RALGPS1: variants seen among roughly 807,000 people sequenced by gnomAD.
RALGPS1 encodes Ral GEF with PH domain and SH3 binding motif 1, also known as ras-specific guanine nucleotide-releasing factor RalGPS1.
A neutral mutation model predicts 78.8 loss-of-function variants in RALGPS1; 19 were observed. That is an observed-to-expected ratio of 0.24 (90% CI 0.17 to 0.35). The LOEUF (loss-of-function observed/expected upper bound fraction) is 0.35. Among genes scored for constraint, RALGPS1 ranks in the 10% least tolerant of loss-of-function variants. The pLI is 1.00. For missense variants in RALGPS1, 454 were observed against 688.3 expected (o/e 0.66, Z 3.81); for synonymous variants, 228 against 256.3 (o/e 0.89, Z 1.06).
Position 127,108,430 on chromosome 9 carries a change from C to T in RALGPS1, c.610+39074C>T, listed in dbSNP as rs780308946. On this transcript the variant is annotated intron_variant, in intron 8 of 18. Transcript: ENST00000259351. The stretch of plus-strand genomic sequence containing the variant: ...CAGCTGCTGCAGCGTCTCGATCTGC[C>T]GCTTCTGCTTGAGCAGCTCATTGTT... The T allele has an allele frequency of 5.0e-6, 8 of 1,608,444 alleles. No individual in the cohort carries two copies. Among genetic ancestry groups the T allele is most frequent in the South Asian group, 2.2e-5 (2 of 90,818 alleles).
intron 8 of RALGPS1, among the ~76,000 whole-genome samples, chr9:127,152,340 A>G (rs943702094): frequency 1.3e-5 from 2 of 152,130 alleles, no homozygotes; most frequent in South Asian, 2.1e-4. Context: ...AATAAAATCT[A>G]TTCAGCTTTG....
At chr9:126,942,933 C>G (rs2036919945) in intron 1 of RALGPS1, among the ~76,000 whole-genome samples, 1 of 150,920 alleles carries the variant, frequency 6.6e-6, no homozygotes, top group African/African-American at 2.4e-5. Context: ...GGATATTTTT[C>G]TCTTTTGTTA....
intron 2 of RALGPS1, among the ~76,000 whole-genome samples, chr9:126,964,632 A>AT (rs1324645383): frequency 2.0e-5 from 2 of 100,390 alleles, no homozygotes; most frequent in East Asian, 1.2e-3. Flanking sequence ...CAGAGGTCTT[A>AT]ACCACTATGG....
At chr9:127,035,957 A>G (rs1316372097) in intron 5 of RALGPS1, among the ~76,000 whole-genome samples, 1 of 152,170 alleles carries the variant, frequency 6.6e-6, no homozygotes, top group Non-Finnish European at 1.5e-5. Context: ...TTCCTTAACA[A>G]AACTATTTGA....
At chr9:127,089,202 C>A in intron 8 of RALGPS1, 1 of 1,562,470 alleles carries the variant, frequency 6.4e-7, no homozygotes, top group Non-Finnish European at 8.8e-7. Flanking sequence ...GTCCATAGTG[C>A]TCAGGGCTTT....
At chr9:126,946,167 C>T (rs2037246360) in intron 1 of RALGPS1, among the ~76,000 whole-genome samples, 1 of 151,988 alleles carries the variant, frequency 6.6e-6, no homozygotes, top group South Asian at 2.1e-4. Flanking sequence ...CCGTGATGGC[C>T]CAGGACAGAG....
intron 7 of RALGPS1, among the ~76,000 whole-genome samples, chr9:127,066,240 C>T (rs2049688791): frequency 6.6e-6 from 1 of 152,226 alleles, no homozygotes; most frequent in Admixed American, 6.5e-5. Context: ...AGGAGGACAT[C>T]CAGATTTGTT....
chr9:126,970,885 CA>C (rs770751725), intron 3 of RALGPS1, among the ~76,000 whole-genome samples: 2 of 152,064 alleles, frequency 1.3e-5, no homozygotes, highest in Non-Finnish European at 2.9e-5. Flanking sequence ...GCCACAAAAA[CA>C]GACAAAACCT....
chr9:127,137,356 C>A (rs2057470104), intron 8 of RALGPS1, among the ~76,000 whole-genome samples: 1 of 152,228 alleles, frequency 6.6e-6, no homozygotes, highest in Non-Finnish European at 1.5e-5. Flanking sequence ...AATCTCCTTT[C>A]CTTGATTGTA....
intron 18 of RALGPS1, among the ~76,000 whole-genome samples, chr9:127,215,822 T>C (rs1236994720): frequency 6.6e-6 from 1 of 152,194 alleles, no homozygotes; most frequent in Non-Finnish European, 1.5e-5. Flanking sequence ...TGTCCCTAAG[T>C]GTCCATGTGT....
chr9:126,930,513 G>T (rs540686949), intron 1 of RALGPS1, among the ~76,000 whole-genome samples: 5 of 152,274 alleles, frequency 3.3e-5, no homozygotes, highest in African/African-American at 9.6e-5. Flanking sequence ...CGTAATCTTG[G>T]CTCACGGTAA....
chr9:127,199,159 C>T (rs2061490808), intron 14 of RALGPS1, 93 bp downstream of exon 14: 1 of 1,163,168 alleles, frequency 8.6e-7, no homozygotes, highest in African/African-American at 1.5e-5. Flanking sequence ...GGGCCCTGCC[C>T]CACCCACCCC....
At chr9:126,953,630 A>T (rs927366281) in intron 1 of RALGPS1, among the ~76,000 whole-genome samples, 5 of 152,188 alleles carry the variant, frequency 3.3e-5, no homozygotes, top group Admixed American at 6.5e-5. Context: ...GTCTTAATGT[A>T]TATAAATCCT....
At chr9:127,112,427 TGCCCATGTGGGCGCAGG>T (rs756882624) in intron 8 of RALGPS1, among the ~76,000 whole-genome samples, 5 of 152,260 alleles carry the variant, frequency 3.3e-5, no homozygotes, top group Non-Finnish European at 5.9e-5. Context: ...CACCTCTCTG[TGCCCATGTGGGCGCAGG>T]GCTCCACTGT....
intron 8 of RALGPS1, among the ~76,000 whole-genome samples, chr9:127,150,410 TC>T (rs1397972923): frequency 2.0e-5 from 3 of 152,168 alleles, no homozygotes; most frequent in African/African-American, 7.2e-5. Flanking sequence ...ATAGAACACT[TC>T]AAATTACTCC....
At chr9:127,196,079 C>T (rs932469185) in intron 12 of RALGPS1, among the ~76,000 whole-genome samples, 1 of 152,214 alleles carries the variant, frequency 6.6e-6, no homozygotes, top group Non-Finnish European at 1.5e-5. Context: ...AGGTGAAGTT[C>T]GTTGCAATGG....
intron 11 of RALGPS1, among the ~76,000 whole-genome samples, chr9:127,189,770 A>G (rs2789521): frequency 0.53 from 80,163 of 151,920 alleles, 21,586 homozygotes; most frequent in South Asian, 0.72. Flanking sequence ...CAGAGAGCCA[A>G]AGGAGGCAGC....
At chr9:126,974,430 T>G (rs2132545856) in intron 3 of RALGPS1, among the ~76,000 whole-genome samples, 1 of 152,310 alleles carries the variant, frequency 6.6e-6, no homozygotes, top group South Asian at 2.1e-4. Flanking sequence ...TTTGTTTATT[T>G]GGGGTCTGGA....
chr9:127,117,876 G>T (rs1022557954), intron 8 of RALGPS1, among the ~76,000 whole-genome samples: 5 of 152,222 alleles, frequency 3.3e-5, no homozygotes, highest in African/African-American at 9.6e-5. Context: ...ATCTCTTGAA[G>T]ATAAGAACAG....
Sources: allele counts gnomAD v4.1 joint callset (sites outside exome capture counted in the v4.1 genomes callset), GRCh38; gene constraint gnomAD v4.1.1; transcripts MANE v1.5; gene names NCBI Gene and HGNC (gene_info 2026-07-23, HGNC 2026-07-21).